Variants in AASS observed in about 807,000 individuals in gnomAD.
AASS encodes the protein alpha-aminoadipic semialdehyde synthase, mitochondrial.
A neutral mutation model predicts 105.4 loss-of-function variants in AASS; 86 were observed. The ratio of observed to expected loss-of-function variants is 0.82; its 90% CI spans 0.69 to 0.98. The LOEUF is 0.98. AASS is among the 50% of genes least tolerant of loss of function. The pLI, the probability that AASS is intolerant of heterozygous loss-of-function variation, is 0.00. For missense variants in AASS, 1,048 were observed against 1,143.2 expected (o/e 0.92, Z 1.20); for synonymous variants, 381 against 394.8 (o/e 0.96, Z 0.41).
Position 122,126,425 on chromosome 7 carries a change from T to A in AASS, c.422A>T (p.Asp141Val). ...TGCCACTACCCGTACTCCTCTATGA[T>A]CCACCATTTTCTCATAATCAATAAG... ...IRLIDYEKMV[D>V]HRGVRVVAFG... Residue 141 changes from aspartate (D) to valine (V), a missense_variant, in exon 4 of 24, where the codon GAT becomes GTT. By Grantham distance (152) the Asp-to-Val change is radical (BLOSUM62 -3). Coordinates refer to ENST00000417368, the MANE Select transcript of AASS (RefSeq NM_005763.4). 1 of 1,613,956 alleles carries A rather than the reference T, an allele frequency of 6.2e-7. No homozygotes were observed. The highest frequency in any genetic ancestry group is 8.5e-7 in the Non-Finnish European group (1 of 1,179,906).
intron 4 of AASS, among the ~76,000 whole-genome samples, chr7:122,122,074 C>T (rs1391405458): frequency 2.0e-5 from 3 of 151,922 alleles, no homozygotes; most frequent in Non-Finnish European, 4.4e-5. Context: ...TTCCCTTTTC[C>T]CATTTATTTT....
Position 122,091,836 on chromosome 7 carries a change from G to T in AASS, c.1883C>A (p.Ser628Ter). ...KAKEVGATIE[S>*]YISYCGGLPA... ...AAGCCCACCACAGTAGGAAATATAT[G>T]ATTCAATCTATAAATTAAAGAATCA... Residue 628 changes from serine to a stop codon, truncating the protein, a stop_gained, in exon 18 of 24, where the codon TCA becomes TAA. Coordinates refer to ENST00000417368, the MANE Select transcript of AASS (RefSeq NM_005763.4). LOFTEE classifies it high-confidence loss of function. 1 of 1,598,842 alleles carries T rather than the reference G, an allele frequency of 6.3e-7. No individual in the cohort carries two copies. The highest frequency in any genetic ancestry group is 8.6e-7 in the Non-Finnish European group (1 of 1,166,918).
chr7:122,132,610 T>A (rs977095626), intron 2 of AASS, among the ~76,000 whole-genome samples: 7 of 152,226 alleles, frequency 4.6e-5, no homozygotes, highest in Non-Finnish European at 5.9e-5. Flanking sequence ...GACGACCAGA[T>A]GTTTTGTGCC....
At chr7:122,082,277 A>C (rs1226147008) in intron 19 of AASS, among the ~76,000 whole-genome samples, 2 of 152,314 alleles carry the variant, frequency 1.3e-5, no homozygotes, top group East Asian at 3.9e-4. Context: ...CATCTAGCCT[A>C]ACTCACAGAT....
At position 122,078,871 on chromosome 7, in the gene AASS, G is replaced by T. The variant is rs776455006; in HGVS notation, c.2476C>A (p.Leu826Ile). Reference sequence around the variant, plus strand: ...ATACTTCATGGCCTACCATAGGAAAGCTTCATGACCAAATGCTTGGAGAGG... The same window carrying T: ...ATACTTCATGGCCTACCATAGGAAATCTTCATGACCAAATGCTTGGAGAGG... ...DALSKHLVMK[L>I]SYGPEEKDMI... The change falls in exon 22 of 24, where the codon CTT becomes ATT. Residue 826 changes from leucine (L) to isoleucine (I), a missense_variant. Transcript: ENST00000417368. The T allele has an allele frequency of 6.2e-7, 1 of 1,613,910 alleles. No homozygotes were observed. Among genetic ancestry groups the T allele is most frequent in the South Asian group, 1.1e-5 (1 of 91,084 alleles).
intron 19 of AASS, among the ~76,000 whole-genome samples, chr7:122,084,328 G>A (rs1404690562): frequency 2.6e-5 from 4 of 152,132 alleles, no homozygotes; most frequent in Non-Finnish European, 5.9e-5. Flanking sequence ...TGCTCTCTAG[G>A]AGCTTACAAT....
At chr7:122,137,991 G>A (rs570913796) in intron 1 of AASS, among the ~76,000 whole-genome samples, 1 of 152,246 alleles carries the variant, frequency 6.6e-6, no homozygotes, top group South Asian at 2.1e-4. Context: ...AAAGAACAAA[G>A]AGGAGGAAAA....
chr7:122,138,211 C>CGACTT (rs1796240578), intron 1 of AASS, among the ~76,000 whole-genome samples: 1 of 152,166 alleles, frequency 6.6e-6, no homozygotes, highest in Admixed American at 6.5e-5. Flanking sequence ...TGAAATGTCT[C>CGACTT]TAAAAGTCAT....
intron 18 of AASS, among the ~76,000 whole-genome samples, chr7:122,086,429 A>G (rs540506425): frequency 5.3e-5 from 8 of 151,984 alleles, no homozygotes; most frequent in African/African-American, 1.9e-4. Context: ...CTTATTTTCA[A>G]TTTTTTTCCT....
chr7:122,116,205 C>A (rs1795162902), intron 8 of AASS, among the ~76,000 whole-genome samples: 2 of 152,066 alleles, frequency 1.3e-5, no homozygotes, highest in African/African-American at 2.4e-5. Flanking sequence ...GCTATTTAAC[C>A]CTCACCCTGA....
intron 11 of AASS, among the ~76,000 whole-genome samples, chr7:122,104,826 C>T (rs184168594): frequency 3.1e-3 from 471 of 152,058 alleles, no homozygotes; most frequent in South Asian, 0.011. Context: ...CTATCAGGTA[C>T]TATGCTCACT....
intron 21 of AASS, chr7:122,079,311 T>C (rs1793193698): frequency 3.6e-5 from 49 of 1,353,344 alleles, no homozygotes; most frequent in Non-Finnish European, 4.7e-5. Context: ...TAATATTCTA[T>C]GACTACTCCA....
chr7:122,085,359 G>A (rs1013811929), intron 19 of AASS, among the ~76,000 whole-genome samples: 1 of 152,052 alleles, frequency 6.6e-6, no homozygotes, highest in African/African-American at 2.4e-5. Context: ...CTTTTTTTGT[G>A]ATCAATAAAT....
At chr7:122,106,123 G>A (rs1212936643) in intron 11 of AASS, among the ~76,000 whole-genome samples, 1 of 151,924 alleles carries the variant, frequency 6.6e-6, no homozygotes, top group African/African-American at 2.4e-5. Context: ...CTAAGACTAG[G>A]GGGTTGTCTA....
intron 4 of AASS, among the ~76,000 whole-genome samples, chr7:122,124,332 G>A (rs575465818): frequency 6.6e-6 from 1 of 152,276 alleles, no homozygotes; most frequent in African/African-American, 2.4e-5. Context: ...TCCCAGGCTG[G>A]AGTGCAATGG....
chr7:122,115,772 C>T (rs1246274060), intron 8 of AASS, among the ~76,000 whole-genome samples: 4 of 152,106 alleles, frequency 2.6e-5, no homozygotes, highest in African/African-American at 7.2e-5. Context: ...ATCACCAATA[C>T]TTCTGTGATT....
intron 3 of AASS, among the ~76,000 whole-genome samples, chr7:122,126,995 C>G (rs950094528): frequency 1.3e-5 from 2 of 152,140 alleles, no homozygotes; most frequent in African/African-American, 4.8e-5. Context: ...CACTCTCTTT[C>G]AACCTGGGAA....
intron 11 of AASS, among the ~76,000 whole-genome samples, chr7:122,109,200 G>T (rs1794817068): frequency 7.4e-6 from 1 of 135,750 alleles, no homozygotes; most frequent in African/African-American, 2.8e-5. Context: ...AATTTATATT[G>T]TTAAAATGCC....
chr7:122,119,052 G>A (rs190958617), intron 4 of AASS, among the ~76,000 whole-genome samples: 1 of 152,102 alleles, frequency 6.6e-6, no homozygotes, highest in East Asian at 1.9e-4. Flanking sequence ...CAAAAACAAA[G>A]TCACCATTAA....
Sources: allele counts gnomAD v4.1 joint callset (sites outside exome capture counted in the v4.1 genomes callset), GRCh38; gene constraint gnomAD v4.1.1; transcripts MANE v1.5; gene names NCBI Gene and HGNC (gene_info 2026-07-23, HGNC 2026-07-21).